The following EDIL3 variants were observed in gnomAD, a reference collection of about 807,000 sequenced individuals.
EDIL3 encodes the protein EGF like and discoidin domains 3.
Under a neutral mutation model 67.4 loss-of-function variants are expected in EDIL3, and 37 were observed. The ratio of observed to expected loss-of-function variants is 0.55; its 90% CI spans 0.42 to 0.72. EDIL3 has a LOEUF of 0.72. Among genes scored for constraint, EDIL3 ranks in the 30% least tolerant of loss-of-function variants. EDIL3 has a pLI of 0.00. For synonymous variants in EDIL3, 195 were observed against 196.3 expected, an observed-to-expected ratio of 0.99 and a Z score of 0.05; for missense variants, 527 against 586.3, an observed-to-expected ratio of 0.90 and a Z score of 1.04.
At chr5:84,072,918 G>A (rs1421805177) in intron 6 of EDIL3, among the ~76,000 whole-genome samples, 1 of 152,046 alleles carries the variant, frequency 6.6e-6, no homozygotes, top group Non-Finnish European at 1.5e-5. Flanking sequence ...TCAGCAACAG[G>A]ACAGTGTATT....
intron 3 of EDIL3, among the ~76,000 whole-genome samples, chr5:84,209,260 G>A (rs952299261): frequency 2.0e-5 from 3 of 151,948 alleles, no homozygotes; most frequent in East Asian, 1.9e-4. Context: ...AGCATTAGGC[G>A]ATACACCTAA....
chr5:83,992,323 G>A (rs969134022), intron 9 of EDIL3, among the ~76,000 whole-genome samples: 1 of 152,102 alleles, frequency 6.6e-6, no homozygotes, highest in Non-Finnish European at 1.5e-5. Context: ...TCAATCCACA[G>A]ACAACAATAA....
rs754952720 is a variant in EDIL3 at position 83,943,482 on chromosome 5, A to T, written c.1380T>A (p.Pro460=). ...PIYARHIRIL[P]WSWYGRITLR... is the part of the protein sequence containing the mutation. ...ATGTGATCCTCCCGTACCAGGACCA[A>T]GGAAGGATTCTTATGTGTCGTGCAT... The change falls in exon 11 of 11, where the codon CCT becomes CCA. Residue 460 remains proline, a synonymous_variant. Coordinates refer to ENST00000296591, the MANE Select transcript of EDIL3 (RefSeq NM_005711.5). 6.2e-7 allele frequency: 1 copy of T among 1,612,818 alleles called. No homozygotes were observed. The highest frequency in any genetic ancestry group is 1.7e-5 in the Admixed American group (1 of 59,896).
chr5:84,246,765 A>G (rs1190021475), intron 2 of EDIL3, among the ~76,000 whole-genome samples: 1 of 152,132 alleles, frequency 6.6e-6, no homozygotes, highest in Non-Finnish European at 1.5e-5. Context: ...AAGTTAACAT[A>G]TAATTGTCAC....
chr5:84,186,086 G>A (rs974369827), intron 3 of EDIL3, among the ~76,000 whole-genome samples: 2 of 151,912 alleles, frequency 1.3e-5, no homozygotes, highest in East Asian at 3.9e-4. Flanking sequence ...CAGTTTTATT[G>A]CCCCAAGTGA....
intron 1 of EDIL3, among the ~76,000 whole-genome samples, chr5:84,261,471 C>T (rs1187389186): frequency 1.3e-5 from 2 of 152,030 alleles, no homozygotes; most frequent in African/African-American, 2.4e-5. Context: ...ATGAGTGTGG[C>T]CAATTTAAAT....
chr5:84,353,758 C>A (rs1295253511), intron 1 of EDIL3, among the ~76,000 whole-genome samples: 1 of 152,158 alleles, frequency 6.6e-6, no homozygotes, highest in African/African-American at 2.4e-5. Flanking sequence ...AGATGTTCAT[C>A]AGTTATTCCA....
At chr5:84,166,739 C>T (rs575314802) in intron 4 of EDIL3, among the ~76,000 whole-genome samples, 4 of 152,092 alleles carry the variant, frequency 2.6e-5, no homozygotes, top group South Asian at 2.1e-4. Context: ...CTGTTGTCTT[C>T]GGGTTAGTTG....
At chr5:84,300,933 TAC>T (rs5869219) in intron 1 of EDIL3, among the ~76,000 whole-genome samples, 35 of 149,466 alleles carry the variant, frequency 2.3e-4, no homozygotes, top group East Asian at 9.9e-4. Context: ...CACAGACACA[TAC>T]ACACACACAC....
rs537341962 is a variant in EDIL3 at position 84,332,829 on chromosome 5, G to A, written c.67+51479C>T. Among the ~76,000 whole-genome samples the A allele has an allele frequency of 6.6e-5, 10 of 152,248 alleles. 1 individual carries two copies. In the South Asian group the frequency reaches 2.1e-3, roughly 32 times the overall value. On this transcript the variant is annotated intron_variant, in intron 1 of 10. Coordinates refer to ENST00000296591, the MANE Select transcript of EDIL3 (RefSeq NM_005711.5). Reference sequence around the variant, plus strand: ...TAATTAAAGAAAAAAAGCAATGAATGTATTTCATTTGTTTAATATCATAAT... The same window carrying A: ...TAATTAAAGAAAAAAAGCAATGAATATATTTCATTTGTTTAATATCATAAT...
intron 3 of EDIL3, among the ~76,000 whole-genome samples, chr5:84,185,506 C>T (rs1743391156): frequency 1.3e-5 from 2 of 152,028 alleles, no homozygotes; most frequent in South Asian, 4.1e-4. Flanking sequence ...TGTGGGAAGA[C>T]TTAACGTTGG....
In EDIL3 at chr5:83,942,823, A is replaced by T. The variant is rs962965473; in HGVS notation, c.*596T>A. 1.3e-5 allele frequency: 2 copies of T among 152,596 alleles called. No individual in the cohort carries two copies. Among genetic ancestry groups the T allele is most frequent in the Non-Finnish European group, 2.9e-5 (2 of 68,170 alleles). 9.5% of individuals were successfully genotyped at this position (152,596 alleles called of 1,614,324 possible). A position where few individuals can be genotyped will look rare whatever the true frequency, so the allele number is the denominator to read the frequency against. On this transcript the variant is annotated 3_prime_UTR_variant, in exon 11 of 11. Coordinates refer to ENST00000296591, the MANE Select transcript of EDIL3 (RefSeq NM_005711.5). ...AAGAATGTAGAATAGAACTAAAAGA[A>T]AAAGAAGTCACATAATCTCTTATTA...
At chr5:84,265,494 A>G (rs1745328247) in intron 1 of EDIL3, among the ~76,000 whole-genome samples, 1 of 152,256 alleles carries the variant, frequency 6.6e-6, no homozygotes, top group African/African-American at 2.4e-5. Context: ...ATATTTTAAA[A>G]GTCAGGTTTA....
At chr5:83,990,231 A>G (rs1305331498) in intron 9 of EDIL3, among the ~76,000 whole-genome samples, 2 of 152,142 alleles carry the variant, frequency 1.3e-5, no homozygotes, top group Non-Finnish European at 2.9e-5. Context: ...GCTCATGACC[A>G]TAATCCCAGC....
intron 4 of EDIL3, among the ~76,000 whole-genome samples, chr5:84,142,767 T>C (rs1212690899): frequency 6.6e-6 from 1 of 151,776 alleles, no homozygotes; most frequent in Non-Finnish European, 1.5e-5. Flanking sequence ...ACATGGTTCT[T>C]GGGCTGAACA....
chr5:84,257,258 G>A (rs1212029708), intron 1 of EDIL3, among the ~76,000 whole-genome samples: 1 of 152,072 alleles, frequency 6.6e-6, no homozygotes, highest in Non-Finnish European at 1.5e-5. Flanking sequence ...TTTCTACCAG[G>A]CATGTGGGCC....
chr5:84,229,755 T>G (rs1744528886), intron 3 of EDIL3, 100 bp downstream of exon 3: 1 of 1,268,244 alleles, frequency 7.9e-7, no homozygotes, highest in Admixed American at 2.2e-5. Flanking sequence ...GTGCCAATTT[T>G]CTGGTTGAAA....
chr5:84,221,869 G>A (rs963012539), intron 3 of EDIL3, among the ~76,000 whole-genome samples: 1 of 151,960 alleles, frequency 6.6e-6, no homozygotes, highest in African/African-American at 2.4e-5. Flanking sequence ...TAAATTTGTA[G>A]CAAATGTAAG....
At chr5:84,341,144 G>T (rs956292348) in intron 1 of EDIL3, among the ~76,000 whole-genome samples, 3 of 151,940 alleles carry the variant, frequency 2.0e-5, no homozygotes, top group Middle Eastern at 3.2e-3. Context: ...GGATCCATCA[G>T]GCTTTGTACC....
Sources: allele counts gnomAD v4.1 joint callset (sites outside exome capture counted in the v4.1 genomes callset), GRCh38; gene constraint gnomAD v4.1.1; transcripts MANE v1.5; gene names NCBI Gene and HGNC (gene_info 2026-07-23, HGNC 2026-07-21).